The following TENM4 variants were observed in gnomAD, a reference collection of about 807,000 sequenced individuals.
TENM4 encodes the protein teneurin transmembrane protein 4.
A neutral mutation model predicts 243.3 loss-of-function variants in TENM4; 82 were observed. The observed-to-expected ratio is 0.34, with a 90% CI of 0.28 to 0.40. The LOEUF is 0.40. Ranked by LOEUF, TENM4 falls within the 10% of genes least tolerant of loss-of-function variation. TENM4 has a pLI of 1.00. For synonymous variants in TENM4, 1,412 were observed against 1,456.3 expected (o/e 0.97, Z 0.69); for missense variants, 3,138 against 3,673.3 (o/e 0.85, Z 3.77).
intron 6 of TENM4, chr11:78,903,780 TAAAC>T (rs1189411048): frequency 4.3e-6 from 3 of 704,620 alleles, no homozygotes; most frequent in Non-Finnish European, 7.7e-6. Context: ...AGTGAAACAA[TAAAC>T]AACATAAAAA....
chr11:78,731,463 A>AT (rs1855666662), intron 21 of TENM4, among the ~76,000 whole-genome samples: 2 of 152,208 alleles, frequency 1.3e-5, no homozygotes, highest in Admixed American at 6.5e-5. Flanking sequence ...TACACAAAAA[A>AT]ATATATAAAA....
intron 1 of TENM4, among the ~76,000 whole-genome samples, chr11:79,389,751 A>G (rs577373300): frequency 5.9e-5 from 9 of 152,348 alleles, no homozygotes; most frequent in Admixed American, 5.9e-4. Flanking sequence ...AAGAAGTTCC[A>G]TTTCTCCCAT....
chr11:78,844,637 T>C (rs557756793), intron 12 of TENM4, among the ~76,000 whole-genome samples: 25 of 148,726 alleles, frequency 1.7e-4, no homozygotes, highest in African/African-American at 6.0e-4. Flanking sequence ...TGAGACTCTG[T>C]CTAAAAAAAA....
chr11:79,062,368 C>CAGGT (rs913953899), intron 6 of TENM4, among the ~76,000 whole-genome samples: 2 of 146,496 alleles, frequency 1.4e-5, no homozygotes, highest in African/African-American at 4.9e-5. Flanking sequence ...GAAGGGCCTA[C>CAGGT]AGGTCATTTC....
At chr11:78,833,333 G>T (rs1238111078) in intron 12 of TENM4, among the ~76,000 whole-genome samples, 1 of 152,142 alleles carries the variant, frequency 6.6e-6, no homozygotes, top group African/African-American at 2.4e-5. Flanking sequence ...ATTGTCATGT[G>T]ATGTTCTCTA....
chr11:78,891,329 C>G lies in TENM4; in HGVS notation c.757G>C (p.Gly253Arg). The change falls in exon 8 of 34, where the codon GGC becomes CGC. Residue 253 changes from glycine (G) to arginine (R), a missense_variant. Gly to Arg is a moderately radical substitution (Grantham distance 125, BLOSUM62 -2). This residue lies in a region of TENM4 where 671 missense variants were observed against 614.1 expected (regional missense o/e 1.09). Transcript: ENST00000278550. The part of the protein sequence containing the change: ...SNIPLETRNL[G>R]KQPFLGTLQD... ...AATGTCCCTAGGAATGGCTGCTTGC[C>G]TAGGTTTCTACGCACACATGGAGAC... 1 of 1,551,468 alleles carries G rather than the reference C, an allele frequency of 6.4e-7. No individual in the cohort carries two copies. Among genetic ancestry groups the G allele is most frequent in the Non-Finnish European group, 8.7e-7 (1 of 1,146,948 alleles).
chr11:78,726,034 G>A, intron 23 of TENM4, 45 bp downstream of exon 23: 1 of 1,608,176 alleles, frequency 6.2e-7, no homozygotes, highest in Non-Finnish European at 8.5e-7. Context: ...TATGAGACAA[G>A]GTTCCACCCC....
intron 25 of TENM4, among the ~76,000 whole-genome samples, chr11:78,717,500 C>T: frequency 6.6e-6 from 1 of 152,184 alleles, no homozygotes; most frequent in East Asian, 1.9e-4. Flanking sequence ...GCTAAGTGAC[C>T]CTGGTCACAT....
rs1490325157 is a variant in TENM4, at chr11:79,215,838, C to G, written c.-193G>C. The G allele has an allele frequency of 1.0e-6, 1 of 985,702 alleles. No individual in the cohort carries two copies. The allele number at this position is 985,702 out of a possible 1,614,324, so 61.1% of individuals were successfully genotyped here. On this transcript the variant is annotated 5_prime_UTR_variant, in exon 3 of 34. Coordinates refer to ENST00000278550, the MANE Select transcript of TENM4 (RefSeq NM_001098816.3). ...TCCATGTCAGCACGTTCTGAAGAGT[C>G]AGCAATGTCCGTGGGCCCTGCAGCC...
intron 7 of TENM4, among the ~76,000 whole-genome samples, chr11:78,894,207 A>C (rs1232022749): frequency 6.6e-6 from 1 of 152,294 alleles, no homozygotes; most frequent in South Asian, 2.1e-4. Context: ...TCTCTACAGC[A>C]TGAGCAGGTC....
chr11:79,114,638 T>C (rs762410117), intron 4 of TENM4, among the ~76,000 whole-genome samples: 3 of 152,254 alleles, frequency 2.0e-5, no homozygotes, highest in Non-Finnish European at 4.4e-5. Flanking sequence ...CTTGGTTGAA[T>C]GCTCTGCCAT....
intron 1 of TENM4, among the ~76,000 whole-genome samples, chr11:79,396,903 G>A (rs760504430): frequency 3.9e-5 from 6 of 152,210 alleles, no homozygotes; most frequent in Non-Finnish European, 7.3e-5. Context: ...GAGTCGGTTT[G>A]CCAAGGCAAA....
intron 15 of TENM4, among the ~76,000 whole-genome samples, chr11:78,793,361 G>C (rs1485080800): frequency 6.6e-6 from 1 of 152,202 alleles, no homozygotes; most frequent in African/African-American, 2.4e-5. Flanking sequence ...TGTGGAAACA[G>C]AGTCTTGCTC....
rs1244829452 is a variant in TENM4, at chr11:78,878,064, C to T, written c.1084+11721G>A. Among the ~76,000 whole-genome samples, 3 of 152,182 alleles carry T rather than the reference C, an allele frequency of 2.0e-5. No homozygotes were observed. In the East Asian group the frequency reaches 5.8e-4, roughly 29 times the overall value. ...CTGGCTTTGTCTCCTCTGGTTTTCCCTCCACATAGTTTCGAGCAGCCATTT... is the reference window on the plus strand; with the variant it reads ...CTGGCTTTGTCTCCTCTGGTTTTCCTTCCACATAGTTTCGAGCAGCCATTT... On this transcript the variant is annotated intron_variant, in intron 9 of 33. Transcript: ENST00000278550.
chr11:79,344,180 T>G (rs1857288595), intron 1 of TENM4, among the ~76,000 whole-genome samples: 1 of 152,204 alleles, frequency 6.6e-6, no homozygotes, highest in South Asian at 2.1e-4. Context: ...AATGAGCATA[T>G]GGAAACTCAC....
chr11:78,944,350 A>G (rs1856968314), intron 6 of TENM4, among the ~76,000 whole-genome samples: 1 of 152,190 alleles, frequency 6.6e-6, no homozygotes, highest in East Asian at 1.9e-4. Flanking sequence ...GGCAATGATG[A>G]AGATCATTTT....
chr11:79,385,708 A>G (rs1326319014), intron 1 of TENM4, among the ~76,000 whole-genome samples: 1 of 143,908 alleles, frequency 6.9e-6, no homozygotes, highest in Non-Finnish European at 1.5e-5. Flanking sequence ...TATCCATGTT[A>G]TTCCATGAAA....
intron 4 of TENM4, among the ~76,000 whole-genome samples, chr11:79,138,677 C>T (rs1193638127): frequency 1.4e-4 from 13 of 93,240 alleles, no homozygotes; most frequent in African/African-American, 1.8e-4. Flanking sequence ...TATATAAATA[C>T]ATAAAACATA....
chr11:79,139,019 TAAATATATA>T (rs1862196999), intron 4 of TENM4, among the ~76,000 whole-genome samples: 1 of 29,658 alleles, frequency 3.4e-5, no homozygotes, highest in South Asian at 8.3e-4. Context: ...TATATTTCTA[TAAATATATA>T]TTATATTTCT....
Sources: gnomAD v4.1 joint callset for allele counts (sites outside exome capture counted in the v4.1 genomes callset) on GRCh38, gnomAD v4.1.1 for gene constraint, gnomAD v4.1.1 regional missense constraint, MANE v1.5 for transcripts, NCBI Gene and HGNC (gene_info 2026-07-23, HGNC 2026-07-21) for gene names.